The following INPP4B variants were observed in gnomAD, a reference collection of about 807,000 sequenced individuals.
INPP4B encodes inositol polyphosphate-4-phosphatase type II B.
Under a neutral mutation model 122.5 loss-of-function variants are expected in INPP4B, and 55 were observed. The ratio of observed to expected loss-of-function variants is 0.45; its 90% CI spans 0.36 to 0.56. INPP4B has a LOEUF of 0.56. Ranked by LOEUF, INPP4B falls within the 20% of genes least tolerant of loss-of-function variation. The pLI is 0.00. For synonymous variants in INPP4B, 403 were observed against 388.7 expected, an observed-to-expected ratio of 1.04 and a Z score of -0.43; for missense variants, 1,000 against 1,097.7, an observed-to-expected ratio of 0.91 and a Z score of 1.26.
In INPP4B at chr4:142,561,366, A is replaced by G. The variant is rs982001002; in HGVS notation, c.-190-98640T>C. ...AGATATGCATTTTATAAATGGAAAC[A>G]TTGAAGGAGAAAGGTTACATGACTT... On this transcript the variant is annotated intron_variant, in intron 2 of 25. Transcript: ENST00000262992. Among the ~76,000 whole-genome samples the G allele has an allele frequency of 1.3e-5, 2 of 152,184 alleles. 1 individual carries two copies. The highest frequency in any genetic ancestry group is 1.3e-4 in the Admixed American group (2 of 15,266).
chr4:142,830,751 T>A (rs1418059004), intron 1 of INPP4B, among the ~76,000 whole-genome samples: 1 of 150,642 alleles, frequency 6.6e-6, no homozygotes, highest in East Asian at 1.9e-4. Context: ...CAGTGACTCA[T>A]GCTTGTAACC....
rs190304003 is a variant in INPP4B at position 142,609,396 on chromosome 4, G to A, written c.-191+116443C>T. 6.9e-4 allele frequency among the ~76,000 whole-genome samples: 105 copies of A among 151,812 alleles called. No individual in the cohort carries two copies. The Middle Eastern group carries it at 0.017, about 25-fold the overall frequency. ...ACAGAGGTTTTAAGTATGTGATTCT[G>A]TGCACATAAGTAAATGTGAGTTTTT... On this transcript the variant is annotated intron_variant, in intron 2 of 25. Transcript: ENST00000262992.
chr4:142,471,727 C>T (rs970516183), intron 2 of INPP4B, among the ~76,000 whole-genome samples: 4 of 152,066 alleles, frequency 2.6e-5, no homozygotes, highest in Non-Finnish European at 5.9e-5. Flanking sequence ...GAGCAGTGCT[C>T]GTGTGTATTT....
chr4:142,180,523 T>C (rs1830310345), intron 15 of INPP4B, among the ~76,000 whole-genome samples: 1 of 152,166 alleles, frequency 6.6e-6, no homozygotes, highest in Non-Finnish European at 1.5e-5. Context: ...CGTTAAATGC[T>C]AGTTTTTCAG....
At position 142,334,546 on chromosome 4, in the gene INPP4B, G is replaced by T. The variant is rs563073032; in HGVS notation, c.373-19784C>A. ...AACCCCCATACTGTTTTCCATATTG[G>T]CTGGCCAATTTATATTCCCAGTAAG... On this transcript the variant is annotated intron_variant, in intron 7 of 25. Transcript: ENST00000262992. Among the ~76,000 whole-genome samples, 31 of 152,202 alleles carry T rather than the reference G, an allele frequency of 2.0e-4. No homozygotes were observed. In the South Asian group the frequency reaches 6.4e-3, roughly 32 times the overall value.
intron 1 of INPP4B, among the ~76,000 whole-genome samples, chr4:142,742,716 A>C (rs541768944): frequency 6.6e-6 from 1 of 152,166 alleles, no homozygotes; most frequent in South Asian, 2.1e-4. Flanking sequence ...CAGAAAGAAA[A>C]GAATCTCAGA....
chr4:142,495,851 A>G (rs1364370741), intron 2 of INPP4B, among the ~76,000 whole-genome samples: 1 of 152,112 alleles, frequency 6.6e-6, no homozygotes. Context: ...GCACCAAAAC[A>G]TTGCTGATCT....
rs1379425464 is a variant in INPP4B, at chr4:142,023,482, T to G, written c.*5300A>C. ...TTGTATGTATGCAGTGAAATGAGAG[T>G]GCCCATACAGTTATATGCAAACTTT... is the stretch of plus-strand genomic sequence containing the variant. On this transcript the variant is annotated 3_prime_UTR_variant, in exon 26 of 26. Transcript: ENST00000262992. The G allele has an allele frequency of 6.6e-6, 1 of 152,226 alleles. No individual in the cohort carries two copies. 9.4% of individuals were successfully genotyped at this position (152,226 alleles called of 1,614,324 possible).
chr4:142,252,019 A>G (rs966106118), intron 11 of INPP4B, among the ~76,000 whole-genome samples: 3 of 152,186 alleles, frequency 2.0e-5, no homozygotes, highest in Non-Finnish European at 4.4e-5. Context: ...CTTGGAATCA[A>G]AGTGGATTTA....
intron 2 of INPP4B, among the ~76,000 whole-genome samples, chr4:142,706,671 T>A (rs1169424718): frequency 6.6e-6 from 1 of 152,208 alleles, no homozygotes; most frequent in African/African-American, 2.4e-5. Context: ...TAAATCCCAT[T>A]GGCTGAAGTT....
At chr4:142,240,474 C>A (rs963702834) in intron 11 of INPP4B, among the ~76,000 whole-genome samples, 1 of 152,086 alleles carries the variant, frequency 6.6e-6, no homozygotes, top group Non-Finnish European at 1.5e-5. Context: ...TACACATCAT[C>A]CAAGGACTCT....
chr4:142,786,162 C>T (rs2151046555), intron 1 of INPP4B, among the ~76,000 whole-genome samples: 1 of 152,156 alleles, frequency 6.6e-6, no homozygotes, highest in Non-Finnish European at 1.5e-5. Context: ...TAAAAGGAAC[C>T]TGGGCTCTTT....
At chr4:142,265,351 T>G (rs969388884) in intron 10 of INPP4B, among the ~76,000 whole-genome samples, 1 of 152,220 alleles carries the variant, frequency 6.6e-6, no homozygotes, top group Non-Finnish European at 1.5e-5. Context: ...AAAGCAATGT[T>G]ATTTTAGGAA....
chr4:142,100,908 T>C (rs955581227), intron 23 of INPP4B, among the ~76,000 whole-genome samples: 7 of 152,210 alleles, frequency 4.6e-5, no homozygotes, highest in Non-Finnish European at 8.8e-5. Context: ...TATATAAATG[T>C]GAACTGTTCA....
chr4:142,579,817 G>A (rs1344971771), intron 2 of INPP4B, among the ~76,000 whole-genome samples: 1 of 150,634 alleles, frequency 6.6e-6, no homozygotes, highest in Non-Finnish European at 1.5e-5. Context: ...CAAATCACAT[G>A]AGCCAATTCC....
At chr4:142,532,047 T>C (rs1042430988) in intron 2 of INPP4B, among the ~76,000 whole-genome samples, 2 of 152,194 alleles carry the variant, frequency 1.3e-5, no homozygotes, top group African/African-American at 2.4e-5. Flanking sequence ...GCTGCTGCAA[T>C]ATTTTTCAAA....
intron 2 of INPP4B, among the ~76,000 whole-genome samples, chr4:142,635,634 C>G (rs1472726399): frequency 6.6e-6 from 1 of 152,094 alleles, no homozygotes; most frequent in African/African-American, 2.4e-5. Context: ...CATGTTCTCA[C>G]TTGTCAATAG....
At chr4:142,424,485 C>A (rs1237963314) in intron 5 of INPP4B, among the ~76,000 whole-genome samples, 6 of 151,970 alleles carry the variant, frequency 3.9e-5, no homozygotes, top group African/African-American at 1.4e-4. Flanking sequence ...TGGTGAGAAC[C>A]ATGACTGAAG....
At chr4:142,203,017 CAGA>C (rs1183380241) in intron 14 of INPP4B, among the ~76,000 whole-genome samples, 3 of 152,066 alleles carry the variant, frequency 2.0e-5, no homozygotes, top group African/African-American at 7.2e-5. Flanking sequence ...GAGTTAAATT[CAGA>C]AGGAGAGATT....
Sources: allele counts gnomAD v4.1 joint callset (sites outside exome capture counted in the v4.1 genomes callset), GRCh38; gene constraint gnomAD v4.1.1; transcripts MANE v1.5; gene names NCBI Gene and HGNC (gene_info 2026-07-23, HGNC 2026-07-21).